The following NIPSNAP2 variants were observed in gnomAD, a reference collection of about 807,000 sequenced individuals.
The protein encoded by NIPSNAP2 is nipsnap homolog 2.
A neutral mutation model predicts 48.4 loss-of-function variants in NIPSNAP2; 42 were observed. The observed-to-expected ratio is 0.87, with a 90% CI of 0.68 to 1.12. NIPSNAP2 has a LOEUF of 1.12. NIPSNAP2 is among the 50% of genes most tolerant of loss of function. The pLI, the probability that NIPSNAP2 is intolerant of heterozygous loss-of-function variation, is 0.00. For missense variants in NIPSNAP2, 314 were observed against 347.3 expected, an observed-to-expected ratio of 0.90 and a Z score of 0.76; for synonymous variants, 158 against 126.6, an observed-to-expected ratio of 1.25 and a Z score of -1.67.
chr7:55,989,349 G>C (rs1322119119), intron 7 of NIPSNAP2, among the ~76,000 whole-genome samples: 1 of 152,208 alleles, frequency 6.6e-6, no homozygotes, highest in East Asian at 1.9e-4. Flanking sequence ...AATAGGCCGG[G>C]TGCTATGGCT....
At position 55,976,196 on chromosome 7, in the gene NIPSNAP2, A is replaced by G. The variant is rs117237175; in HGVS notation, c.93-1930A>G. ...AACAGCTCACTCTGTATGTGTATAT[A>G]TAGTGCTGTTCTGTGCCGGCTTTTT... On this transcript the variant is annotated intron_variant, in intron 1 of 9. Transcript: ENST00000322090. Among the ~76,000 whole-genome samples the G allele has an allele frequency of 3.8e-3, 584 of 152,352 alleles. 1 individual carries two copies. Among genetic ancestry groups the G allele is most frequent in the Admixed American group, 6.4e-3 (98 of 15,302 alleles).
chr7:55,978,125 G>T lies in NIPSNAP2; in HGVS notation c.93-1G>T. On this transcript the variant is annotated splice_acceptor_variant, in intron 1 of 9. Transcript: ENST00000322090. LOFTEE classifies it high-confidence loss of function. Reference sequence around the variant, plus strand: ...GTGACAACACCTTTGTTATTCCATAGGACATGGACATCTTCCAGCAACAGA... The same window carrying T: ...GTGACAACACCTTTGTTATTCCATATGACATGGACATCTTCCAGCAACAGA... The T allele has an allele frequency of 6.2e-7, 1 of 1,614,054 alleles. No homozygotes were observed. The highest frequency in any genetic ancestry group is 1.1e-5 in the South Asian group (1 of 91,074).
intron 8 of NIPSNAP2, among the ~76,000 whole-genome samples, chr7:55,995,890 AT>A (rs1370765267): frequency 1.3e-5 from 2 of 152,172 alleles, no homozygotes; most frequent in Non-Finnish European, 2.9e-5. Context: ...GTTGAAGATG[AT>A]TGCTTGAGGC....
At chr7:55,979,746 T>C (rs1335174893) in intron 3 of NIPSNAP2, 1 of 455,162 alleles carries the variant, frequency 2.2e-6, no homozygotes, top group Non-Finnish European at 4.4e-6. Context: ...TTTTCTTTTC[T>C]CTGAAACTTT....
intron 1 of NIPSNAP2, among the ~76,000 whole-genome samples, chr7:55,970,454 G>A (rs866958713): frequency 6.6e-6 from 1 of 151,604 alleles, no homozygotes. Flanking sequence ...GACTACAGGC[G>A]TCCACCACCA....
At chr7:55,977,503 A>G (rs373956012) in intron 1 of NIPSNAP2, among the ~76,000 whole-genome samples, 2 of 152,332 alleles carry the variant, frequency 1.3e-5, no homozygotes, top group African/African-American at 4.8e-5. Flanking sequence ...GGTAAAACAT[A>G]TATACATAAA....
At chr7:55,983,976 G>A (rs1005564081) in intron 6 of NIPSNAP2, 108 bp downstream of exon 6, 35 of 489,044 alleles carry the variant, frequency 7.2e-5, no homozygotes, top group African/African-American at 7.2e-4. Flanking sequence ...TGTATGTCTA[G>A]CATTATATGT....
intron 1 of NIPSNAP2, among the ~76,000 whole-genome samples, chr7:55,966,091 A>G (rs993213756): frequency 6.6e-6 from 1 of 152,196 alleles, no homozygotes; most frequent in Non-Finnish European, 1.5e-5. Flanking sequence ...CCAGTAATTC[A>G]GGAGGGCTGG....
intron 7 of NIPSNAP2, among the ~76,000 whole-genome samples, chr7:55,987,057 G>A (rs1031689557): frequency 8.0e-5 from 12 of 150,738 alleles, no homozygotes; most frequent in Non-Finnish European, 1.0e-4. Flanking sequence ...CAGCTATTCA[G>A]GAGGCTGAGG....
chr7:55,981,623 T>G, intron 4 of NIPSNAP2, 56 bp downstream of exon 4: 2 of 1,131,772 alleles, frequency 1.8e-6, no homozygotes, highest in South Asian at 2.8e-5. Flanking sequence ...ATGTAACACT[T>G]AAGTAATTTT....
rs117369773 is a variant in NIPSNAP2, at chr7:55,965,470, G to A, written c.92+769G>A. Among the ~76,000 whole-genome samples the A allele has an allele frequency of 3.2e-4, 48 of 152,140 alleles. No individual in the cohort carries two copies. In the East Asian group the frequency reaches 8.5e-3, roughly 27 times the overall value. ...CTGACTTACCCAGAGTTGCTTTCTC[G>A]TATTCATTGCTTTGGGTAGTTTAAA... On this transcript the variant is annotated intron_variant, in intron 1 of 9. Coordinates refer to ENST00000322090, the MANE Select transcript of NIPSNAP2 (RefSeq NM_001483.3).
intron 4 of NIPSNAP2, chr7:55,981,890 T>C (rs954463302): frequency 9.2e-6 from 3 of 327,662 alleles, no homozygotes; most frequent in African/African-American, 4.2e-5. Flanking sequence ...CACTGCGACC[T>C]CTGCCTCCCG....
At chr7:55,977,985 T>C (rs1015905483) in intron 1 of NIPSNAP2, 141 bp from the exon 2 acceptor site, 1 of 846,532 alleles carries the variant, frequency 1.2e-6, no homozygotes, top group Non-Finnish European at 1.9e-6. Context: ...GAGTGCATGC[T>C]GTTGTCATGG....
chr7:55,982,967 A>G (rs1451129237), intron 5 of NIPSNAP2, among the ~76,000 whole-genome samples: 2 of 151,898 alleles, frequency 1.3e-5, no homozygotes, highest in African/African-American at 4.8e-5. Context: ...TACTAAAAAT[A>G]CAAAAATTAG....
chr7:55,975,532 ACAG>A (rs1787091705), intron 1 of NIPSNAP2, among the ~76,000 whole-genome samples: 1 of 152,292 alleles, frequency 6.6e-6, no homozygotes, highest in African/African-American at 2.4e-5. Context: ...GACAAGGAAC[ACAG>A]CAGTGGTTGC....
intron 3 of NIPSNAP2, chr7:55,979,891 G>A (rs763122221): frequency 2.0e-4 from 89 of 456,216 alleles, no homozygotes; most frequent in South Asian, 4.5e-4. Context: ...ATTCAGGTAA[G>A]GCCAGGGCTC....
At chr7:55,969,782 G>A (rs1053587146) in intron 1 of NIPSNAP2, among the ~76,000 whole-genome samples, 1 of 152,074 alleles carries the variant, frequency 6.6e-6, no homozygotes, top group African/African-American at 2.4e-5. Context: ...AGGAGATCGA[G>A]ACCATCCTGG....
At position 55,971,506 on chromosome 7, in the gene NIPSNAP2, C is replaced by T. The variant is rs73343705; in HGVS notation, c.93-6620C>T. On this transcript the variant is annotated intron_variant, in intron 1 of 9. Coordinates refer to ENST00000322090, the MANE Select transcript of NIPSNAP2 (RefSeq NM_001483.3). Reference sequence around the variant, plus strand: ...TTAGAGGTGGTCTTGCTCTGTTGCCCGGGCTGGAGTACAGTGCATGATCAT... The same window carrying T: ...TTAGAGGTGGTCTTGCTCTGTTGCCTGGGCTGGAGTACAGTGCATGATCAT... 5.5e-3 allele frequency among the ~76,000 whole-genome samples: 836 copies of T among 152,156 alleles called. 10 individuals are homozygous for T. Among genetic ancestry groups the T allele is most frequent in the African/African-American group, 0.018 (767 of 41,502 alleles).
In NIPSNAP2 at chr7:55,999,135, T is replaced by C; in HGVS notation, c.*63T>C. ...GACAAGTATTTGTCGTAAATTAATT[T>C]TAATTGTGTATCAAGTGAAAAAGAA... On this transcript the variant is annotated 3_prime_UTR_variant, in exon 10 of 10. Coordinates refer to ENST00000322090, the MANE Select transcript of NIPSNAP2 (RefSeq NM_001483.3). 1 of 1,367,530 alleles carries C rather than the reference T, an allele frequency of 7.3e-7. No homozygotes were observed. The highest frequency in any genetic ancestry group is 1.0e-6 in the Non-Finnish European group (1 of 962,612). 84.7% of individuals were successfully genotyped at this position (1,367,530 alleles called of 1,614,324 possible). A position where few individuals can be genotyped will look rare whatever the true frequency, so the allele number is the denominator to read the frequency against.
Sources: gnomAD v4.1 joint callset for allele counts (sites outside exome capture counted in the v4.1 genomes callset) on GRCh38, gnomAD v4.1.1 for gene constraint, MANE v1.5 for transcripts, NCBI Gene and HGNC (gene_info 2026-07-23, HGNC 2026-07-21) for gene names.